KCTD8: variants seen among roughly 807,000 people sequenced by gnomAD.
KCTD8 encodes BTB/POZ domain-containing protein KCTD8.
In KCTD8, 27 loss-of-function variants were observed where a neutral mutation model predicts 31.5. The observed-to-expected ratio is 0.86, with a 90% CI of 0.63 to 1.18. KCTD8 has a LOEUF of 1.18. Among genes scored for constraint, KCTD8 ranks in the 50% most tolerant of loss-of-function variants. The pLI is 0.00. For synonymous variants in KCTD8, 290 were observed against 280.0 expected, an observed-to-expected ratio of 1.04 and a Z score of -0.36; for missense variants, 658 against 647.7, an observed-to-expected ratio of 1.02 and a Z score of -0.17.
At chr4:44,181,750 C>A (rs1018650868) in intron 1 of KCTD8, among the ~76,000 whole-genome samples, 1 of 151,860 alleles carries the variant, frequency 6.6e-6, no homozygotes, top group Non-Finnish European at 1.5e-5. Context: ...GCTGCCCAGT[C>A]TGGGAAGTGA....
At chr4:44,405,311 G>A (rs1367733736) in intron 1 of KCTD8, among the ~76,000 whole-genome samples, 1 of 152,146 alleles carries the variant, frequency 6.6e-6, no homozygotes, top group East Asian at 1.9e-4. Context: ...AGGCTGGAGT[G>A]TAGTGGCATG....
chr4:44,256,637 A>G (rs1464506451), intron 1 of KCTD8, among the ~76,000 whole-genome samples: 1 of 151,906 alleles, frequency 6.6e-6, no homozygotes, highest in Non-Finnish European at 1.5e-5. Flanking sequence ...CTTATCCTGT[A>G]TAATCTGAGC....
chr4:44,356,328 AT>A (rs1433640599), intron 1 of KCTD8, among the ~76,000 whole-genome samples: 2 of 152,194 alleles, frequency 1.3e-5, no homozygotes, highest in African/African-American at 4.8e-5. Flanking sequence ...TCTTTGAATC[AT>A]TTATTCTTTT....
intron 1 of KCTD8, among the ~76,000 whole-genome samples, chr4:44,296,616 G>T (rs577324903): frequency 6.8e-4 from 104 of 152,034 alleles, no homozygotes; most frequent in Non-Finnish European, 1.4e-3. Flanking sequence ...AGACTATTTT[G>T]CTGCTCTTTA....
chr4:44,415,863 G>C (rs755369290), intron 1 of KCTD8, among the ~76,000 whole-genome samples: 61 of 152,222 alleles, frequency 4.0e-4, no homozygotes, highest in Non-Finnish European at 8.1e-4. Flanking sequence ...AATGTCAAGG[G>C]AAAATGTGGG....
intron 1 of KCTD8, among the ~76,000 whole-genome samples, chr4:44,178,492 T>A (rs893656387): frequency 2.6e-5 from 4 of 152,170 alleles, no homozygotes; most frequent in African/African-American, 9.7e-5. Flanking sequence ...TTACCCTTTC[T>A]GTCAATATTT....
At chr4:44,406,318 C>T (rs1720795996) in intron 1 of KCTD8, among the ~76,000 whole-genome samples, 1 of 152,110 alleles carries the variant, frequency 6.6e-6, no homozygotes, top group Admixed American at 6.5e-5. Context: ...TTTTGATATG[C>T]TTTGGCTCTG....
At chr4:44,426,602 T>C (rs1440864359) in intron 1 of KCTD8, among the ~76,000 whole-genome samples, 3 of 151,760 alleles carry the variant, frequency 2.0e-5, no homozygotes, top group Non-Finnish European at 2.9e-5. Flanking sequence ...ATTGAAAACC[T>C]AGACAAAAGA....
intron 1 of KCTD8, among the ~76,000 whole-genome samples, chr4:44,317,399 C>T (rs1450376891): frequency 1.4e-5 from 2 of 143,420 alleles, no homozygotes; most frequent in African/African-American, 5.6e-5. Flanking sequence ...GCCACCGCAC[C>T]CGGCTAATTT....
At chr4:44,317,469 G>A (rs974602000) in intron 1 of KCTD8, among the ~76,000 whole-genome samples, 4 of 140,120 alleles carry the variant, frequency 2.9e-5, no homozygotes, top group Admixed American at 2.7e-4. Flanking sequence ...TCGATCTCCT[G>A]ACCTCATGAT....
chr4:44,253,015 A>G (rs1168671332), intron 1 of KCTD8, among the ~76,000 whole-genome samples: 2 of 151,816 alleles, frequency 1.3e-5, no homozygotes, highest in Admixed American at 6.6e-5. Context: ...GCTGAAAATT[A>G]TTCAATTTTT....
At chr4:44,187,225 C>T (rs1274665805) in intron 1 of KCTD8, among the ~76,000 whole-genome samples, 1 of 152,174 alleles carries the variant, frequency 6.6e-6, no homozygotes, top group African/African-American at 2.4e-5. Context: ...AACACTACCT[C>T]ACTTACATGA....
At chr4:44,302,021 T>G (rs1409968533) in intron 1 of KCTD8, among the ~76,000 whole-genome samples, 1 of 152,130 alleles carries the variant, frequency 6.6e-6, no homozygotes, top group Non-Finnish European at 1.5e-5. Flanking sequence ...AAAGATCAGA[T>G]AGTTGTAGAT....
intron 1 of KCTD8, among the ~76,000 whole-genome samples, chr4:44,246,804 C>T (rs999934136): frequency 2.0e-5 from 3 of 151,996 alleles, no homozygotes; most frequent in Non-Finnish European, 4.4e-5. Context: ...ATTCCTAATC[C>T]TTTTCATCTT....
At position 44,447,577 on chromosome 4, in the gene KCTD8, T is replaced by A; in HGVS notation, c.947A>T (p.Glu316Val). The A allele has an allele frequency of 3.2e-6, 5 of 1,572,510 alleles. No homozygotes were observed. Among genetic ancestry groups the A allele is most frequent in the Non-Finnish European group, 4.3e-6 (5 of 1,155,742 alleles). Residue 316 changes from glutamate to valine, a missense_variant, in exon 1 of 2, where the codon GAG becomes GTG. Coordinates refer to ENST00000360029, the MANE Select transcript of KCTD8 (RefSeq NM_198353.3). ...RDDKIWSSYT[E>V]YIFFRPPQKI... is the part of the protein sequence containing the mutation. ...TGCGAACTTACGGAAGAAAATGTAC[T>A]CGGTGTAGCTGCTCCAGATCTTGTC...
At chr4:44,412,240 G>A (rs1255742193) in intron 1 of KCTD8, among the ~76,000 whole-genome samples, 1 of 151,948 alleles carries the variant, frequency 6.6e-6, no homozygotes, top group Admixed American at 6.6e-5. Flanking sequence ...ATATCAGCTG[G>A]GAAACAGAGC....
At chr4:44,340,307 TG>T (rs199647974) in intron 1 of KCTD8, among the ~76,000 whole-genome samples, 17,398 of 148,744 alleles carry the variant, frequency 0.12, 1,408 homozygotes, top group Admixed American at 0.21. Flanking sequence ...TGTACATTTT[TG>T]TTTTTTTTGA....
At chr4:44,312,856 C>T (rs1386927505) in intron 1 of KCTD8, among the ~76,000 whole-genome samples, 1 of 152,078 alleles carries the variant, frequency 6.6e-6, no homozygotes, top group East Asian at 1.9e-4. Flanking sequence ...CAGGATTTTC[C>T]TCCTCTTCCA....
intron 1 of KCTD8, among the ~76,000 whole-genome samples, chr4:44,222,045 A>G (rs1286318713): frequency 6.6e-6 from 1 of 152,214 alleles, no homozygotes; most frequent in Admixed American, 6.5e-5. Flanking sequence ...TAAGGAAAAT[A>G]AATGTAATGT....
Sources: gnomAD v4.1 joint callset for allele counts (sites outside exome capture counted in the v4.1 genomes callset) on GRCh38, gnomAD v4.1.1 for gene constraint, MANE v1.5 for transcripts, NCBI Gene and HGNC (gene_info 2026-07-23, HGNC 2026-07-21) for gene names.